TEX15: variants seen among roughly 807,000 people sequenced by gnomAD.
The protein encoded by TEX15 is testis expressed 15, meiosis and synapsis associated, also known as testis-expressed protein 15.
Under a neutral mutation model 237.3 loss-of-function variants are expected in TEX15, and 171 were observed. That is an observed-to-expected ratio of 0.72 (90% CI 0.64 to 0.82). The LOEUF is 0.82. TEX15 is among the 40% of genes least tolerant of loss of function. The probability of loss-of-function intolerance (pLI) is 0.00; values close to 1 mark genes in which losing one functional copy is unlikely to be tolerated. For synonymous variants in TEX15, 1,338 were observed against 1,269.8 expected (o/e 1.05, Z -1.14); for missense variants, 3,750 against 3,646.5 (o/e 1.03, Z -0.73).
chr8:30,879,019 T>C (rs1808462800), intron 3 of TEX15, among the ~76,000 whole-genome samples: 1 of 152,244 alleles, frequency 6.6e-6, no homozygotes, highest in Non-Finnish European at 1.5e-5. Context: ...ATGCATTTCC[T>C]TAATGGCTAT....
intron 1 of TEX15, among the ~76,000 whole-genome samples, chr8:30,909,770 G>A (rs73588067): frequency 0.013 from 1,933 of 152,032 alleles, 44 homozygotes; most frequent in African/African-American, 0.045. Flanking sequence ...ATGCTTAATT[G>A]AACAAAAAAA....
rs192522888 is a variant in TEX15, at chr8:30,912,204, C to T, written c.-86+675G>A. Reference sequence around the variant, plus strand: ...ACAGCCGGCGCAGGCGGGCATGGTCCGAGCGCGGGCTCTGCAGGGGAGAAT... The same window carrying T: ...ACAGCCGGCGCAGGCGGGCATGGTCTGAGCGCGGGCTCTGCAGGGGAGAAT... On this transcript the variant is annotated intron_variant, in intron 1 of 10. Coordinates refer to ENST00000643185, the MANE Select transcript of TEX15 (RefSeq NM_001350162.2). Among the ~76,000 whole-genome samples the T allele has an allele frequency of 1.6e-3, 239 of 152,270 alleles. 10 individuals carry two copies. In the East Asian group the frequency reaches 0.034, roughly 21 times the overall value.
At chr8:30,862,139 T>C (rs904714426) in intron 5 of TEX15, among the ~76,000 whole-genome samples, 1 of 152,200 alleles carries the variant, frequency 6.6e-6, no homozygotes, top group Admixed American at 6.5e-5. Flanking sequence ...ATACTTTTGA[T>C]TTCTAATTTG....
chr8:30,898,514 A>T (rs1274442933), intron 2 of TEX15, among the ~76,000 whole-genome samples: 1 of 152,186 alleles, frequency 6.6e-6, no homozygotes, highest in Non-Finnish European at 1.5e-5. Context: ...TGAGTTACCC[A>T]GTTTATATTA....
intron 2 of TEX15, among the ~76,000 whole-genome samples, chr8:30,896,443 C>T (rs118185491): frequency 0.01 from 1,579 of 152,124 alleles, 20 homozygotes; most frequent in Admixed American, 0.023. Context: ...TCTATTCAGT[C>T]CACTTCCTTA....
At chr8:30,853,710 G>A (rs779198036) in intron 7 of TEX15, among the ~76,000 whole-genome samples, 1 of 152,096 alleles carries the variant, frequency 6.6e-6, no homozygotes, top group Non-Finnish European at 1.5e-5. Context: ...GAGGACTACT[G>A]TATATTCTTT....
chr8:30,903,861 G>T (rs996002363), intron 1 of TEX15, among the ~76,000 whole-genome samples: 1 of 152,130 alleles, frequency 6.6e-6, no homozygotes, highest in Non-Finnish European at 1.5e-5. Context: ...GTGTTAGAAG[G>T]GTATGAAATA....
At position 30,847,532 on chromosome 8, in the gene TEX15, T is replaced by C; in HGVS notation, c.2635A>G (p.Ile879Val). 1 of 1,613,326 alleles carries C rather than the reference T, an allele frequency of 6.2e-7. No homozygotes were observed. Among genetic ancestry groups the C allele is most frequent in the Non-Finnish European group, 8.5e-7 (1 of 1,179,874 alleles). Residue 879 changes from isoleucine to valine, a missense_variant, in exon 8 of 11, where the codon ATA (isoleucine) becomes GTA (valine). Coordinates refer to ENST00000643185, the MANE Select transcript of TEX15 (RefSeq NM_001350162.2). Reference protein sequence around the residue: ...ENSASCVENNIENIYGDKKQD... With the variant: ...ENSASCVENNVENIYGDKKQD... ...TTTTTGTCTCCATATATGTTCTCTA[T>C]GTTGTTTTCTACACATGAAGCACTA... is the stretch of plus-strand genomic sequence containing the variant.
At chr8:30,857,340 T>TA (rs1807933517) in intron 7 of TEX15, among the ~76,000 whole-genome samples, 1 of 152,008 alleles carries the variant, frequency 6.6e-6, no homozygotes, top group Non-Finnish European at 1.5e-5. Flanking sequence ...CCATAAAGTT[T>TA]AAAAAAACAG....
chr8:30,844,425 T>G lies in TEX15; in HGVS notation c.5742A>C (p.Thr1914=). Residue 1914 remains threonine (T), a synonymous_variant, in exon 8 of 11, where the codon ACA becomes ACC. Transcript: ENST00000643185. ...CTCTTTTGTTAAGCGGATTAGAAAC[T>G]GTGTTCTTCAAAGGGACTGACTCAG... The part of the protein sequence containing the change: ...TTTESVPLKN[T]VSNPLNKREK... 2 of 1,612,182 alleles carry G rather than the reference T, an allele frequency of 1.2e-6. No homozygotes were observed. Among genetic ancestry groups the G allele is most frequent in the Non-Finnish European group, 1.7e-6 (2 of 1,179,260 alleles).
intron 7 of TEX15, among the ~76,000 whole-genome samples, chr8:30,850,050 TACC>T (rs1807742414): frequency 6.6e-6 from 1 of 151,960 alleles, no homozygotes; most frequent in Admixed American, 6.6e-5. Context: ...TCCCTCTATC[TACC>T]ATTACCTTGC....
chr8:30,892,875 TG>T (rs1415294267), intron 2 of TEX15, among the ~76,000 whole-genome samples: 1 of 151,730 alleles, frequency 6.6e-6, no homozygotes, highest in Non-Finnish European at 1.5e-5. Flanking sequence ...CTACTAAAAA[TG>T]CAAAAAATTA....
chr8:30,840,257 G>A (rs1807420930), intron 8 of TEX15, among the ~76,000 whole-genome samples: 1 of 151,234 alleles, frequency 6.6e-6, no homozygotes, highest in African/African-American at 2.4e-5. Flanking sequence ...GTGCAGTGAT[G>A]CGATATTGGC....
intron 9 of TEX15, 91 bp downstream of exon 9, chr8:30,839,815 A>G: frequency 4.0e-6 from 3 of 741,476 alleles, no homozygotes; most frequent in South Asian, 4.9e-5. Context: ...ATCCAATGAC[A>G]TTATATAAAT....
At chr8:30,912,239 G>C (rs1329107402) in intron 1 of TEX15, among the ~76,000 whole-genome samples, 1 of 151,550 alleles carries the variant, frequency 6.6e-6, no homozygotes, top group African/African-American at 2.4e-5. Context: ...TGAGGCGCGC[G>C]GACTGCCAGT....
intron 9 of TEX15, 118 bp downstream of exon 9, chr8:30,839,788 C>A: frequency 1.7e-6 from 1 of 574,056 alleles, no homozygotes; most frequent in South Asian, 3.9e-5. Context: ...ACTCTCATCC[C>A]CTAAGTTACA....
In TEX15 at chr8:30,842,313, C is replaced by T. The variant is rs1274773729; in HGVS notation, c.7854G>A (p.Thr2618=). The change falls in exon 8 of 11, where the codon ACG becomes ACA. Residue 2618 remains threonine, a synonymous_variant. Coordinates refer to ENST00000643185, the MANE Select transcript of TEX15 (RefSeq NM_001350162.2). ...KMAHIRKVMK[T]IEHMKMICTK... ...TACATATCATCTTCATATGTTCAAT[C>T]GTTTTCATGACTTTCCTAATGTGGG... 2 of 1,613,780 alleles carry T rather than the reference C, an allele frequency of 1.2e-6. No homozygotes were observed. Among genetic ancestry groups the T allele is most frequent in the Non-Finnish European group, 8.5e-7 (1 of 1,179,868 alleles).
At chr8:30,884,066 C>G (rs930448475) in intron 3 of TEX15, among the ~76,000 whole-genome samples, 2 of 152,328 alleles carry the variant, frequency 1.3e-5, no homozygotes, top group Admixed American at 1.3e-4. Context: ...TTTCTAGAGA[C>G]AGGGCCTTGC....
In TEX15 at chr8:30,836,880, G is replaced by A. The variant is rs766809588; in HGVS notation, c.9404C>T (p.Ser3135Phe). Reference sequence around the variant, plus strand: ...TGTAGCTTGTGGTAATGGCTGATGAGAAGCATATTGTGAAAAAATTGGCTG... The same window carrying A: ...TGTAGCTTGTGGTAATGGCTGATGAAAAGCATATTGTGAAAAAATTGGCTG... Reference protein sequence around the residue: ...FRQPIFSQYASHQPLPQATYP... With the variant: ...FRQPIFSQYAFHQPLPQATYP... The change falls in exon 10 of 11, where the codon TCT (serine) becomes TTT (phenylalanine). Residue 3135 changes from serine to phenylalanine, a missense_variant. Ser to Phe is a radical substitution (Grantham distance 155). Coordinates refer to ENST00000643185, the MANE Select transcript of TEX15 (RefSeq NM_001350162.2). The A allele has an allele frequency of 5.0e-6, 8 of 1,614,014 alleles. No individual in the cohort carries two copies. Among genetic ancestry groups the A allele is most frequent in the Non-Finnish European group, 6.8e-6 (8 of 1,180,008 alleles).
Sources: allele counts gnomAD v4.1 joint callset (sites outside exome capture counted in the v4.1 genomes callset), GRCh38; gene constraint gnomAD v4.1.1; transcripts MANE v1.5; gene names NCBI Gene and HGNC (gene_info 2026-07-23, HGNC 2026-07-21).